The following GBP3 variants were observed in gnomAD, a reference collection of about 807,000 sequenced individuals.
The protein encoded by GBP3 is guanylate-binding protein 3.
A neutral mutation model predicts 62.4 loss-of-function variants in GBP3; 55 were observed. The ratio of observed to expected loss-of-function variants is 0.88; its 90% confidence interval spans 0.71 to 1.10. GBP3 has a LOEUF of 1.10. Ranked by LOEUF, GBP3 falls within the 50% of genes least tolerant of loss-of-function variation. GBP3 has a pLI of 0.00. For synonymous variants in GBP3, 208 were observed against 259.2 expected (o/e 0.80, Z 1.90); for missense variants, 605 against 690.6 (o/e 0.88, Z 1.39).
rs371275732 is a variant in GBP3, at chr1:89,009,152, G to C, written c.1466-12C>G. On this transcript the variant is annotated splice_polypyrimidine_tract_variant and intron_variant, in intron 9 of 10. Transcript: ENST00000370481. Reference sequence around the variant, plus strand: ...TTTTACACATTCCACTGTGGAGGAAGAAGAAACATTTGTGTGGAGTTATCT... The same window carrying C: ...TTTTACACATTCCACTGTGGAGGAACAAGAAACATTTGTGTGGAGTTATCT... 3 of 1,612,118 alleles carry C rather than the reference G, an allele frequency of 1.9e-6. No individual in the cohort carries two copies. Among genetic ancestry groups the C allele is most frequent in the Non-Finnish European group, 2.5e-6 (3 of 1,178,816 alleles).
In GBP3 at chr1:89,013,274, A is replaced by G. The variant is rs746965247; in HGVS notation, c.779T>C (p.Phe260Ser). 11 of 1,614,178 alleles carry G rather than the reference A, an allele frequency of 6.8e-6. 1 individual carries two copies. In the South Asian group the frequency reaches 1.1e-4, roughly 16 times the overall value. ...KLQDEELDPE[F>S]VQQVADFCSY... is the part of the protein sequence containing the mutation. ...ACAGAAGTCTGCTACTTGTTGCACA[A>G]ATTCAGGGTCCAGCTCTTCATCTTG... is the stretch of plus-strand genomic sequence containing the variant. Residue 260 changes from phenylalanine to serine, a missense_variant, in exon 6 of 11, where the codon TTT becomes TCT. By Grantham distance (155) the Phe-to-Ser change is radical. Around this residue, in one of 3 missense-constraint regions of GBP3, gnomAD observed 308 missense variants for 318.0 expected, o/e 0.97. Transcript: ENST00000370481.
chr1:89,013,537 A>C (rs1678709570), intron 5 of GBP3, 110 bp from the exon 6 acceptor site: 1 of 1,118,516 alleles, frequency 8.9e-7, no homozygotes, highest in South Asian at 1.6e-5. Context: ...CAAGTACTCA[A>C]CTTTGTTATT....
In GBP3 at chr1:89,014,263, TC is replaced by T; in HGVS notation, c.444del (p.Thr149HisfsTer22). ...GAGGATTTTGATCGGATTCGATGTG[TC>T]AGCTCTGTCACATAGCTGAGTAGCT... ...AMDQLYYVTE[L>X]THRIRSKSSP... On this transcript the variant is annotated frameshift_variant, in exon 5 of 11. Coordinates refer to ENST00000370481, the MANE Select transcript of GBP3 (RefSeq NM_018284.3). LOFTEE classifies it high-confidence loss of function. 1 of 1,614,212 alleles carries T rather than the reference TC, an allele frequency of 6.2e-7. No individual in the cohort carries two copies. Among genetic ancestry groups the T allele is most frequent in the East Asian group, 2.2e-5 (1 of 44,884 alleles).
At chr1:89,015,251 A>G (rs1286056034) in intron 3 of GBP3, 36 bp downstream of exon 3, 1 of 1,552,970 alleles carries the variant, frequency 6.4e-7, no homozygotes, top group Non-Finnish European at 8.7e-7. Context: ...TTCAGAGATG[A>G]GGGGCTTATT....
intron 2 of GBP3, among the ~76,000 whole-genome samples, chr1:89,017,189 C>G (rs548389047): frequency 6.6e-6 from 1 of 152,050 alleles, no homozygotes; most frequent in Non-Finnish European, 1.5e-5. Context: ...AAGTAGAGAG[C>G]CTAGAAATGA....
chr1:89,017,397 G>A (rs1678944012), intron 2 of GBP3, among the ~76,000 whole-genome samples: 1 of 150,566 alleles, frequency 6.6e-6, no homozygotes, highest in East Asian at 1.9e-4. Flanking sequence ...CTAACCATTA[G>A]AGCTAAAACT....
chr1:89,015,425 G>C lies in GBP3; in HGVS notation c.191-11C>G, dbSNP rs1678835176. 1.2e-6 allele frequency: 2 copies of C among 1,608,546 alleles called. No homozygotes were observed. The highest frequency in any genetic ancestry group is 1.7e-6 in the Non-Finnish European group (2 of 1,178,092). ...AGCCCAGAGAGAAGCCTGTAAAGGA[G>C]AGATGGGATAAGAAGGGCTGGAGGT... On this transcript the variant is annotated splice_polypyrimidine_tract_variant and intron_variant, in intron 2 of 10. Coordinates refer to ENST00000370481, the MANE Select transcript of GBP3 (RefSeq NM_018284.3).
intron 2 of GBP3, among the ~76,000 whole-genome samples, chr1:89,017,668 A>G (rs1413782495): frequency 6.6e-6 from 1 of 152,240 alleles, no homozygotes; most frequent in African/African-American, 2.4e-5. Context: ...ACATTTCTCT[A>G]AAGAATGGCC....
intron 2 of GBP3, among the ~76,000 whole-genome samples, chr1:89,017,649 C>T (rs1479864516): frequency 6.6e-6 from 1 of 152,132 alleles, no homozygotes; most frequent in Non-Finnish European, 1.5e-5. Flanking sequence ...AAAGAAAGAA[C>T]TTGAATAGAC....
intron 10 of GBP3, 61 bp from the exon 11 acceptor site, chr1:89,007,913 C>T: frequency 6.8e-7 from 1 of 1,461,850 alleles, no homozygotes; most frequent in Non-Finnish European, 9.3e-7. Flanking sequence ...TGTAAGCTAT[C>T]TAGTTTCCAC....
intron 4 of GBP3, 50 bp downstream of exon 4, chr1:89,014,497 T>C (rs760932488): frequency 1.2e-6 from 2 of 1,614,092 alleles, no homozygotes; most frequent in South Asian, 2.2e-5. Context: ...GGTTTATGAA[T>C]ACAGGTGTCC....
At position 89,019,292 on chromosome 1, in the gene GBP3, T is replaced by C. The variant is rs557083887; in HGVS notation, c.190+1240A>G. Among the ~76,000 whole-genome samples the C allele has an allele frequency of 2.6e-5, 4 of 152,326 alleles. No homozygotes were observed. The East Asian group carries it at 7.7e-4, about 29-fold the overall frequency. On this transcript the variant is annotated intron_variant, in intron 2 of 10. Coordinates refer to ENST00000370481, the MANE Select transcript of GBP3 (RefSeq NM_018284.3). ...GCCTTGAAAAGGAAGAATTTTTTAT[T>C]TCTTTATTTATTTTTGAGATGGAGT...
intron 10 of GBP3, among the ~76,000 whole-genome samples, chr1:89,008,153 A>G (rs1038007618): frequency 6.6e-6 from 1 of 152,004 alleles, no homozygotes; most frequent in Non-Finnish European, 1.5e-5. Flanking sequence ...TTTGACTTCA[A>G]ATCTTCCCTA....
chr1:89,014,606 G>T lies in GBP3; in HGVS notation c.369C>A (p.Ser123Arg). 6.2e-7 allele frequency: 1 copy of T among 1,614,108 alleles called. No individual in the cohort carries two copies. Among genetic ancestry groups the T allele is most frequent in the South Asian group, 1.1e-5 (1 of 91,088 alleles). Residue 123 changes from serine to arginine, a missense_variant, in exon 4 of 11, where the codon AGC (serine) becomes AGA (arginine). Physicochemically the swap from Ser to Arg is moderately radical, Grantham distance 110 (BLOSUM62 -1). Coordinates refer to ENST00000370481, the MANE Select transcript of GBP3 (RefSeq NM_018284.3). Reference protein sequence around the residue: ...SWIFTLAVLLSSTLVYNSMGT... With the variant: ...SWIFTLAVLLRSTLVYNSMGT... Reference sequence around the variant, plus strand: ...CCATGCTATTGTACACGAGAGTGCTGCTCAGGAGGACGGCCAGGGTGAAGA... The same window carrying T: ...CCATGCTATTGTACACGAGAGTGCTTCTCAGGAGGACGGCCAGGGTGAAGA...
intron 1 of GBP3, among the ~76,000 whole-genome samples, 173 bp downstream of exon 1, chr1:89,022,511 T>C (rs182969109): frequency 6.6e-6 from 1 of 152,384 alleles, no homozygotes; most frequent in East Asian, 1.9e-4. Context: ...ACCATGATTT[T>C]ATCTGACCTG....
At position 89,020,513 on chromosome 1, in the gene GBP3, C is replaced by G. The variant is rs755090776; in HGVS notation, c.190+19G>C. The stretch of plus-strand genomic sequence containing the variant: ...GGGGGACAGAAGGGACTTGGCAGAG[C>G]TTTGCTCATGCCACTCACCCTTATT... On this transcript the variant is annotated intron_variant, in intron 2 of 10. Coordinates refer to ENST00000370481, the MANE Select transcript of GBP3 (RefSeq NM_018284.3). 4 of 1,613,326 alleles carry G rather than the reference C, an allele frequency of 2.5e-6. No homozygotes were observed. The highest frequency in any genetic ancestry group is 3.4e-6 in the Non-Finnish European group (4 of 1,179,382).
intron 4 of GBP3, 22 bp from the exon 5 acceptor site, chr1:89,014,301 T>C: frequency 6.2e-7 from 1 of 1,613,926 alleles, no homozygotes; most frequent in Non-Finnish European, 8.5e-7. Context: ...ACTAAGGAAA[T>C]GTGACAAAAT....
In GBP3 at chr1:89,018,078, CA is replaced by C. The variant is rs796417229; in HGVS notation, c.190+2453del. ...TGGGTGACAGAGTGAGACTGTGTCT[CA>C]AAAAAAAAAAAAATTAAAATAACTG... On this transcript the variant is annotated intron_variant, in intron 2 of 10. Transcript: ENST00000370481. 7.3e-3 allele frequency among the ~76,000 whole-genome samples: 870 copies of C among 119,234 alleles called. 13 individuals are homozygous for C. Among genetic ancestry groups the C allele is most frequent in the Middle Eastern group, 0.022 (4 of 184 alleles). The allele number at this position is 119,234 out of a possible 152,430, so 78.2% of individuals were successfully genotyped here.
At chr1:89,011,495 G>C (rs2101136850) in intron 7 of GBP3, among the ~76,000 whole-genome samples, 1 of 139,580 alleles carries the variant, frequency 7.2e-6, no homozygotes, top group Middle Eastern at 3.7e-3. Context: ...CATGTAATTT[G>C]ATTAGAAGCC....
Sources: gnomAD v4.1 joint callset for allele counts (sites outside exome capture counted in the v4.1 genomes callset) on GRCh38, gnomAD v4.1.1 for gene constraint, gnomAD v4.1.1 regional missense constraint, MANE v1.5 for transcripts, NCBI Gene and HGNC (gene_info 2026-07-23, HGNC 2026-07-21) for gene names.